The following SHC3 variants were observed in gnomAD, a reference collection of about 807,000 sequenced individuals.
The protein encoded by SHC3 is SHC adaptor protein 3.
A neutral mutation model predicts 60.4 loss-of-function variants in SHC3; 15 were observed. The observed-to-expected ratio is 0.25, with a 90% CI of 0.17 to 0.38. The LOEUF (loss-of-function observed/expected upper bound fraction) is 0.38. Among genes scored for constraint, SHC3 ranks in the 10% least tolerant of loss-of-function variants. The pLI, the probability that SHC3 is intolerant of heterozygous loss-of-function variation, is 1.00. For synonymous variants in SHC3, 294 were observed against 325.9 expected (o/e 0.90, Z 1.05); for missense variants, 677 against 786.1 (o/e 0.86, Z 1.66).
chr9:89,082,600 G>A (rs1825463084), intron 2 of SHC3, among the ~76,000 whole-genome samples: 1 of 152,162 alleles, frequency 6.6e-6, no homozygotes, highest in African/African-American at 2.4e-5. Context: ...GGCCACTAAG[G>A]ACTTGCTCTT....
In SHC3 at chr9:89,056,698, G is replaced by T. The variant is rs563557687; in HGVS notation, c.836-4535C>A. Among the ~76,000 whole-genome samples the T allele has an allele frequency of 1.3e-3, 200 of 152,340 alleles. 1 individual carries two copies. The highest frequency in any genetic ancestry group is 4.6e-3 in the African/African-American group (193 of 41,584). On this transcript the variant is annotated intron_variant, in intron 6 of 11. Transcript: ENST00000375835. The stretch of plus-strand genomic sequence containing the variant: ...GGGCTGGCAGCAGAGAGCCCTGCCT[G>T]CTGTGCAGCCATCCTGCCCTTCCTC...
chr9:89,109,277 T>G, intron 2 of SHC3: 1 of 744,180 alleles, frequency 1.3e-6, no homozygotes, highest in Non-Finnish European at 1.6e-6. Context: ...TCGCAGAGGA[T>G]GCATGGGTGA....
rs535115208 is a variant in SHC3, at chr9:89,062,114, T to C, written c.835+3415A>G. On this transcript the variant is annotated intron_variant, in intron 6 of 11. Coordinates refer to ENST00000375835, the MANE Select transcript of SHC3 (RefSeq NM_016848.6). ...AGTCGTATGCCTAATTTGAGCATCA[T>C]TTGGTAGCTACTTTTGTGACCTAAA... Among the ~76,000 whole-genome samples, 4 of 152,346 alleles carry C rather than the reference T, an allele frequency of 2.6e-5. No homozygotes were observed. In the South Asian group the frequency reaches 8.3e-4, roughly 32 times the overall value.
chr9:89,131,051 C>T lies in SHC3; in HGVS notation c.475-18425G>A, dbSNP rs554528786. ...AGAAAAGAGAGAACAATCAAATAGA[C>T]GAAATAAAAAATGATAAAGGGGATA... On this transcript the variant is annotated intron_variant, in intron 1 of 11. Transcript: ENST00000375835. Among the ~76,000 whole-genome samples, 290 of 151,860 alleles carry T rather than the reference C, an allele frequency of 1.9e-3. 4 individuals are homozygous for T. Among genetic ancestry groups the T allele is most frequent in the African/African-American group, 6.5e-3 (269 of 41,430 alleles).
In SHC3 at chr9:89,142,517, T is replaced by C. The variant is rs1345486491; in HGVS notation, c.475-29891A>G. ...GGCCAACATGGTGAAATCCCATCTC[T>C]ATTAAAAATACACAAATTAGCCAGG... On this transcript the variant is annotated intron_variant, in intron 1 of 11. Transcript: ENST00000375835. 3.3e-5 allele frequency among the ~76,000 whole-genome samples: 5 copies of C among 152,040 alleles called. No individual in the cohort carries two copies. The East Asian group carries it at 5.8e-4, about 18-fold the overall frequency.
In SHC3 at chr9:89,007,333, C is replaced by G. The variant is rs554446679; in HGVS notation, c.*6114G>C. ...GAGTCCCCAGACTGACCTGGGCACT[C>G]CACCCTTGCTGGTTCTACTTTACTT... On this transcript the variant is annotated 3_prime_UTR_variant, in exon 12 of 12. Transcript: ENST00000375835. 6.6e-6 allele frequency: 1 copy of G among 152,398 alleles called. No individual in the cohort carries two copies. The highest frequency in any genetic ancestry group is 2.4e-5 in the African/African-American group (1 of 41,590). The allele number at this position is 152,398 out of a possible 1,614,324, so 9.4% of individuals were successfully genotyped here.
intron 6 of SHC3, among the ~76,000 whole-genome samples, chr9:89,063,709 C>T (rs1035755205): frequency 2.6e-5 from 4 of 152,242 alleles, no homozygotes; most frequent in African/African-American, 4.8e-5. Context: ...TGACCCCTGT[C>T]GATGCCACTT....
Position 89,042,032 on chromosome 9 carries a change from C to A in SHC3, c.1354G>T (p.Asp452Tyr). 1.2e-6 allele frequency: 2 copies of A among 1,613,820 alleles called. No individual in the cohort carries two copies. Among genetic ancestry groups the A allele is most frequent in the South Asian group, 2.2e-5 (2 of 91,010 alleles). Residue 452 changes from aspartate (D) to tyrosine (Y), a missense_variant, in exon 10 of 12, where the codon GAC becomes TAC. By Grantham distance (160) the Asp-to-Tyr change is radical (BLOSUM62 -3). Transcript: ENST00000375835. ...AESSPRKDLF[D>Y]MKPFEDALKN... is the part of the protein sequence containing the mutation. ...GAGACAAACAGAAACCCACTCATGT[C>A]AAAGAGGTCTTTCCTTGGGCTGCTC...
intron 11 of SHC3, among the ~76,000 whole-genome samples, chr9:89,030,651 A>G (rs1824471842): frequency 6.6e-6 from 1 of 152,208 alleles, no homozygotes; most frequent in South Asian, 2.1e-4. Flanking sequence ...TAATAACAGA[A>G]CATCAAATTT....
At chr9:89,033,791 C>A (rs1368225648) in intron 11 of SHC3, among the ~76,000 whole-genome samples, 1 of 152,074 alleles carries the variant, frequency 6.6e-6, no homozygotes. Flanking sequence ...AAGAAGAATG[C>A]AGAAACAGGG....
At chr9:89,055,033 G>T (rs1824926070) in intron 6 of SHC3, among the ~76,000 whole-genome samples, 1 of 152,210 alleles carries the variant, frequency 6.6e-6, no homozygotes, top group Non-Finnish European at 1.5e-5. Flanking sequence ...ACTGAGATGG[G>T]CAACTTGAAA....
intron 1 of SHC3, among the ~76,000 whole-genome samples, chr9:89,155,781 GTTAACTGA>G (rs1164921125): frequency 6.6e-6 from 1 of 152,088 alleles, no homozygotes; most frequent in African/African-American, 2.4e-5. Flanking sequence ...CCCAGCTCTG[GTTAACTGA>G]CTTGGCACCT....
At chr9:89,037,540 C>A in intron 11 of SHC3, 1 of 717,054 alleles carries the variant, frequency 1.4e-6, no homozygotes, top group Non-Finnish European at 2.6e-6. Context: ...AACGGGAAAA[C>A]AAGAGACTTA....
At chr9:89,170,539 G>A (rs1826854555) in intron 1 of SHC3, among the ~76,000 whole-genome samples, 1 of 152,144 alleles carries the variant, frequency 6.6e-6, no homozygotes, top group Non-Finnish European at 1.5e-5. Context: ...CAGCTATTCG[G>A]GAGGCTGAGG....
chr9:89,125,112 G>C (rs1011309194), intron 1 of SHC3, among the ~76,000 whole-genome samples: 1 of 152,104 alleles, frequency 6.6e-6, no homozygotes, highest in African/African-American at 2.4e-5. Context: ...TTACATGGGA[G>C]CTGTGGGTCT....
chr9:89,034,734 G>T (rs1180697854), intron 11 of SHC3, among the ~76,000 whole-genome samples: 2 of 152,198 alleles, frequency 1.3e-5, no homozygotes, highest in African/African-American at 4.8e-5. Context: ...GGAGACAGAA[G>T]AATTTGTGGG....
intron 1 of SHC3, among the ~76,000 whole-genome samples, chr9:89,134,196 T>G (rs1048357162): frequency 2.0e-5 from 3 of 152,138 alleles, no homozygotes; most frequent in African/African-American, 7.2e-5. Context: ...GAATATACTT[T>G]TGGTAAAAGA....
At chr9:89,148,419 GA>G (rs1307093583) in intron 1 of SHC3, among the ~76,000 whole-genome samples, 5 of 152,118 alleles carry the variant, frequency 3.3e-5, no homozygotes, top group African/African-American at 9.7e-5. Flanking sequence ...AGACATTGTT[GA>G]AAAAACTGCA....
chr9:89,114,658 G>T (rs1371747533), intron 1 of SHC3, among the ~76,000 whole-genome samples: 1 of 152,026 alleles, frequency 6.6e-6, no homozygotes, highest in Non-Finnish European at 1.5e-5. Context: ...TGGATGCTAG[G>T]TGATGAGTAT....
Sources: gnomAD v4.1 joint callset for allele counts (sites outside exome capture counted in the v4.1 genomes callset) on GRCh38, gnomAD v4.1.1 for gene constraint, MANE v1.5 for transcripts, NCBI Gene and HGNC (gene_info 2026-07-23, HGNC 2026-07-21) for gene names.